The following MARK4 variants were observed in gnomAD, a reference collection of about 807,000 sequenced individuals.
The protein encoded by MARK4 is MAP/microtubule affinity-regulating kinase 4.
In MARK4, 19 loss-of-function variants were observed where a neutral mutation model predicts 81.5. The ratio of observed to expected loss-of-function variants is 0.23; its 90% CI spans 0.16 to 0.34. The LOEUF is 0.34. Ranked by LOEUF, MARK4 falls within the 10% of genes least tolerant of loss-of-function variation. The probability of loss-of-function intolerance (pLI) is 1.00; values close to 1 mark genes in which losing one functional copy is unlikely to be tolerated. For missense variants in MARK4, 772 were observed against 1,058.8 expected (o/e 0.73, Z 3.76); for synonymous variants, 436 against 439.0 (o/e 0.99, Z 0.08).
intron 13 of MARK4, among the ~76,000 whole-genome samples, chr19:45,289,668 G>T (rs535239974): frequency 6.6e-6 from 1 of 151,734 alleles, no homozygotes; most frequent in Admixed American, 6.6e-5. Context: ...TACTCAGGAG[G>T]CTGAGGCAGG....
rs563809310 is a variant in MARK4, at chr19:45,266,978, C to T, written c.549+697C>T. On this transcript the variant is annotated intron_variant, in intron 7 of 16. Coordinates refer to ENST00000262891, the MANE Select transcript of MARK4 (RefSeq NM_001199867.2). The stretch of plus-strand genomic sequence containing the variant: ...CGATCTCCTGACCTTGTGATCCGCC[C>T]GCCTCAGCCTCCCAAAGTGCTGGGA... 3.8e-4 allele frequency among the ~76,000 whole-genome samples: 58 copies of T among 152,078 alleles called. No individual in the cohort carries two copies. The South Asian group carries it at 7.3e-3, about 19-fold the overall frequency.
chr19:45,275,780 G>A (rs891595968), intron 8 of MARK4, among the ~76,000 whole-genome samples: 3 of 152,214 alleles, frequency 2.0e-5, no homozygotes, highest in Non-Finnish European at 4.4e-5. Context: ...ACCGGGCTTC[G>A]CGGCGTTGTG....
In MARK4 at chr19:45,271,993, GCT is replaced by G. The variant is rs1288233449; in HGVS notation, c.786+288_786+289del. Among the ~76,000 whole-genome samples the G allele has an allele frequency of 4.6e-5, 7 of 152,186 alleles. No homozygotes were observed. Among genetic ancestry groups the G allele is most frequent in the African/African-American group, 1.7e-4 (7 of 41,452 alleles). ...TTTATGGCCCACTTCTCTGTGTCAG[GCT>G]CTGTTTTGGGCTTTGCATGTAAGGC... On this transcript the variant is annotated intron_variant, in intron 8 of 16. Transcript: ENST00000262891. This position sits in a 1 kb window ranked among gnomAD's most constrained non-coding sequence, Gnocchi z 4.1.
chr19:45,273,466 A>G (rs1037719032), intron 8 of MARK4, among the ~76,000 whole-genome samples: 5 of 152,130 alleles, frequency 3.3e-5, no homozygotes, highest in Non-Finnish European at 5.9e-5. Flanking sequence ...GCCATGGCCC[A>G]TACTCAGATT....
At chr19:45,277,314 G>A (rs769998748) in intron 8 of MARK4, among the ~76,000 whole-genome samples, 8 of 152,062 alleles carry the variant, frequency 5.3e-5, no homozygotes, top group Admixed American at 3.3e-4. Flanking sequence ...CTGACCTCAG[G>A]CGATCTGCCT....
rs1359283124 is a variant in MARK4 at position 45,263,354 on chromosome 19, C to T, written c.342C>T (p.Asn114=). The T allele has an allele frequency of 6.2e-7, 1 of 1,614,048 alleles. No individual in the cohort carries two copies. The highest frequency in any genetic ancestry group is 8.5e-7 in the Non-Finnish European group (1 of 1,180,030). The part of the protein sequence containing the change: ...FREVRIMKGL[N]HPNIVKLFEV... ...AAGTCCGCATCATGAAGGGCCTAAA[C>T]CACCCCAACATCGGTGAGGAGGGAA... The change falls in exon 4 of 17, where the codon AAC becomes AAT. Residue 114 remains asparagine, a synonymous_variant. Transcript: ENST00000262891.
rs71173137 is a variant in MARK4 at position 45,281,367 on chromosome 19, C to CTTTTT, written c.1276+640_1276+644dup. 1.4e-4 allele frequency among the ~76,000 whole-genome samples: 18 copies of CTTTTT among 132,046 alleles called. 5 individuals carry two copies. Among genetic ancestry groups the CTTTTT allele is most frequent in the Non-Finnish European group, 2.5e-4 (16 of 63,436 alleles). 86.6% of individuals were successfully genotyped at this position (132,046 alleles called of 152,430 possible). On this transcript the variant is annotated intron_variant, in intron 12 of 16. Coordinates refer to ENST00000262891, the MANE Select transcript of MARK4 (RefSeq NM_001199867.2). The stretch of plus-strand genomic sequence containing the variant: ...CCCAGCCTTTTCTTTTCTTTTCTTT[C>CTTTTT]TTTTTTTTTTTGAGACAGAGTCTCA...
Position 45,302,640 on chromosome 19 carries a change from G to A in MARK4, c.2189G>A (p.Arg730His), listed in dbSNP as rs750295541. Residue 730 changes from arginine to histidine, a missense_variant, in exon 17 of 17, where the codon CGC becomes CAC. Coordinates refer to ENST00000262891, the MANE Select transcript of MARK4 (RefSeq NM_001199867.2). This position sits in a 1 kb window ranked among gnomAD's most constrained non-coding sequence, Gnocchi z 4.9. ...PRPGLRGVLF[R>H]RVAGTALAFR... ...CCAGGCTTGCGGGGAGTTCTCTTCC[G>A]CCGTGTGGCGGGCACCGCCCTGGCC... is the stretch of plus-strand genomic sequence containing the variant. 20 of 1,541,456 alleles carry A rather than the reference G, an allele frequency of 1.3e-5. No homozygotes were observed. The highest frequency in any genetic ancestry group is 2.4e-5 in the East Asian group (1 of 41,076).
intron 7 of MARK4, 33 bp downstream of exon 7, chr19:45,266,314 C>T (rs1286978881): frequency 1.9e-6 from 3 of 1,608,650 alleles, no homozygotes; most frequent in Non-Finnish European, 2.6e-6. Flanking sequence ...TCTCAGGGAC[C>T]ACGGCTCAGC....
intron 6 of MARK4, among the ~76,000 whole-genome samples, chr19:45,265,270 G>A (rs1455782233): frequency 6.6e-6 from 1 of 152,076 alleles, no homozygotes; most frequent in African/African-American, 2.4e-5. Flanking sequence ...TGATTCAAAA[G>A]ATGTGTGGGC....
rs757834794 is a variant in MARK4 at position 45,297,744 on chromosome 19, G to A, written c.1667G>A (p.Arg556Gln). The change falls in exon 15 of 17, where the codon CGG becomes CAG. Residue 556 changes from arginine (R) to glutamine (Q), a missense_variant. Around this residue, in one of 3 missense-constraint regions of MARK4, gnomAD observed 548 missense variants for 624.3 expected, o/e 0.88. Coordinates refer to ENST00000262891, the MANE Select transcript of MARK4 (RefSeq NM_001199867.2). ...AGCCTGGCACCCCCATCAGGGGAGC[G>A]GAGCCGCCTGGCACGTGGTTCCACC... is the stretch of plus-strand genomic sequence containing the variant. The part of the protein sequence containing the change: ...SHSLAPPSGE[R>Q]SRLARGSTIR... 1.5e-5 allele frequency: 23 copies of A among 1,576,120 alleles called. No homozygotes were observed. In the East Asian group the frequency reaches 1.6e-4, roughly 11 times the overall value.
chr19:45,278,674 G>C (rs1315460304), intron 10 of MARK4, 59 bp downstream of exon 10: 25 of 1,281,186 alleles, frequency 2.0e-5, no homozygotes, highest in Non-Finnish European at 2.7e-5. Context: ...TGCAATCTCG[G>C]CTCACTGCAA....
rs1970521826 is a variant in MARK4 at position 45,271,139 on chromosome 19, C to T, written c.550-333C>T. Among the ~76,000 whole-genome samples the T allele has an allele frequency of 6.6e-6, 1 of 152,220 alleles. No homozygotes were observed. Among genetic ancestry groups the T allele is most frequent in the South Asian group, 2.1e-4 (1 of 4,834 alleles). On this transcript the variant is annotated intron_variant, in intron 7 of 16. Transcript: ENST00000262891. The surrounding 1 kb of genome is among the most constrained non-coding windows in gnomAD (Gnocchi z 4.1). ...CAGGCCGATCTTGAACTCCTGACCT[C>T]AGGTGATCCACCTGCCTTGGCCTCC...
At chr19:45,280,323 G>A (rs758269575) in intron 10 of MARK4, 51 bp from the exon 11 acceptor site, 1 of 1,503,264 alleles carries the variant, frequency 6.7e-7, no homozygotes, top group South Asian at 1.1e-5. Context: ...GAAATGGATG[G>A]AAGTTAAAGT....
At chr19:45,252,698 G>A (rs1970259733) in intron 1 of MARK4, among the ~76,000 whole-genome samples, 1 of 152,096 alleles carries the variant, frequency 6.6e-6, no homozygotes, top group South Asian at 2.1e-4. Context: ...GAAGCCTCTC[G>A]TCTTGCCCTG....
intron 13 of MARK4, chr19:45,287,962 G>A (rs1280248110): frequency 4.5e-6 from 2 of 439,982 alleles, no homozygotes; most frequent in Non-Finnish European, 8.4e-6. Context: ...GGAAAGGCCA[G>A]GCACAGTGGC....
chr19:45,299,836 G>A lies in MARK4; in HGVS notation c.1903G>A (p.Gly635Arg), dbSNP rs770596158. The change falls in exon 16 of 17, where the codon GGG (glycine) becomes AGG (arginine). Residue 635 changes from glycine (G) to arginine (R), a missense_variant. Coordinates refer to ENST00000262891, the MANE Select transcript of MARK4 (RefSeq NM_001199867.2). The part of the protein sequence containing the change: ...RRVADEPERI[G>R]GPEVTSCHLP... ...GGTCGCAGACGAACCTGAGAGAATC[G>A]GGGGACCTGAGGTCACAAGGTGAGT... 44 of 1,604,924 alleles carry A rather than the reference G, an allele frequency of 2.7e-5. No homozygotes were observed. Among genetic ancestry groups the A allele is most frequent in the Non-Finnish European group, 3.4e-5 (40 of 1,173,974 alleles).
intron 12 of MARK4, among the ~76,000 whole-genome samples, chr19:45,282,474 C>G (rs978571832): frequency 7.3e-5 from 11 of 150,592 alleles, no homozygotes; most frequent in Admixed American, 1.3e-4. Context: ...AGGAGGATTG[C>G]TTGAGCCCAG....
chr19:45,287,691 G>A (rs1324568444), intron 13 of MARK4, 27 bp downstream of exon 13: 2 of 1,593,122 alleles, frequency 1.3e-6, no homozygotes. Flanking sequence ...GGGGGGCAGG[G>A]CTGGGGGCGC....
Sources: allele counts gnomAD v4.1 joint callset (sites outside exome capture counted in the v4.1 genomes callset), GRCh38; gene constraint gnomAD v4.1.1; regional missense constraint gnomAD v4.1.1; non-coding constraint Gnocchi (gnomAD v3.1); transcripts MANE v1.5; gene names NCBI Gene and HGNC (gene_info 2026-07-23, HGNC 2026-07-21).